Variants in EPHA6 observed in about 807,000 individuals in gnomAD.
EPHA6 encodes ephrin type-A receptor 6.
EPHA6 carries 50 observed loss-of-function variants against 112.0 expected under a neutral mutation model. The ratio of observed to expected loss-of-function variants is 0.45; its 90% CI spans 0.36 to 0.56. EPHA6 has a LOEUF of 0.56. EPHA6 is among the 20% of genes least tolerant of loss of function. EPHA6 has a pLI of 0.00. For missense variants in EPHA6, 1,280 were observed against 1,417.4 expected (o/e 0.90, Z 1.56); for synonymous variants, 529 against 490.7 (o/e 1.08, Z -1.03).
chr3:97,040,675 C>T (rs967253792), intron 3 of EPHA6, among the ~76,000 whole-genome samples: 2 of 152,010 alleles, frequency 1.3e-5, no homozygotes, highest in African/African-American at 4.8e-5. Context: ...AGAGATGATT[C>T]CTGAAATAAA....
intron 2 of EPHA6, among the ~76,000 whole-genome samples, chr3:96,978,757 A>T (rs2042631447): frequency 6.6e-6 from 1 of 152,108 alleles, no homozygotes; most frequent in Non-Finnish European, 1.5e-5. Flanking sequence ...GAAGAATAAC[A>T]TTTCCGATTA....
intron 7 of EPHA6, among the ~76,000 whole-genome samples, chr3:97,460,228 G>T (rs556181363): frequency 6.6e-6 from 1 of 152,294 alleles, no homozygotes; most frequent in East Asian, 1.9e-4. Flanking sequence ...CTCCTCTTTA[G>T]AACCATAAAT....
Position 97,625,460 on chromosome 3 carries a change from A to G in EPHA6, c.2575-12413A>G, listed in dbSNP as rs893555640. ...TTGATACTTAAATTTATTGTCTAAC[A>G]TATGGCTTATCAAAGAAAATATTCC... On this transcript the variant is annotated intron_variant, in intron 13 of 17. Coordinates refer to ENST00000389672, the MANE Select transcript of EPHA6 (RefSeq NM_001080448.3). Among the ~76,000 whole-genome samples, 4 of 151,750 alleles carry G rather than the reference A, an allele frequency of 2.6e-5. No individual in the cohort carries two copies. In the Admixed American group the frequency reaches 2.6e-4, roughly 10 times the overall value.
chr3:96,925,685 A>G (rs891795405), intron 2 of EPHA6, among the ~76,000 whole-genome samples: 2 of 149,768 alleles, frequency 1.3e-5, no homozygotes, highest in African/African-American at 5.0e-5. Flanking sequence ...GGCTCACTGC[A>G]ACTTCTGCCT....
chr3:97,333,803 T>A (rs2082923548), intron 5 of EPHA6, among the ~76,000 whole-genome samples: 1 of 151,984 alleles, frequency 6.6e-6, no homozygotes, highest in South Asian at 2.1e-4. Flanking sequence ...TTACCTCTTT[T>A]TTTGCTCATT....
At chr3:97,416,248 G>A (rs1268820718) in intron 6 of EPHA6, among the ~76,000 whole-genome samples, 1 of 152,006 alleles carries the variant, frequency 6.6e-6, no homozygotes, top group Non-Finnish European at 1.5e-5. Flanking sequence ...CCTGACAGCA[G>A]ATCCAGAATT....
At chr3:97,215,796 A>G (rs189628871) in intron 3 of EPHA6, among the ~76,000 whole-genome samples, 20 of 152,342 alleles carry the variant, frequency 1.3e-4, no homozygotes, top group East Asian at 1.9e-4. Flanking sequence ...ATTTCAAAAC[A>G]TATTTCAGAA....
chr3:97,448,807 G>T, intron 7 of EPHA6, 77 bp downstream of exon 7: 1 of 1,436,676 alleles, frequency 7.0e-7, no homozygotes, highest in Non-Finnish European at 9.7e-7. Flanking sequence ...TTAAAACCAG[G>T]TGTCCCAAGT....
At chr3:97,596,783 T>C (rs79424366) in intron 12 of EPHA6, among the ~76,000 whole-genome samples, 60 of 81,206 alleles carry the variant, frequency 7.4e-4, no homozygotes, top group African/African-American at 1.3e-3. Flanking sequence ...TATACATATA[T>C]ATATATATAT....
At position 97,637,881 on chromosome 3, in the gene EPHA6, T is replaced by C; in HGVS notation, c.2583T>C (p.Asp861=). The change falls in exon 14 of 18, where the codon GAT becomes GAC. Residue 861 remains aspartate (D), a synonymous_variant. Transcript: ENST00000389672. The stretch of plus-strand genomic sequence containing the variant: ...TTGTGATTCTCTTGCAGAAGCATGA[T>C]GGCCACTTCACAGTCATCCAGTTGG... ...GSLDSFLRKH[D]GHFTVIQLVG... 6.2e-7 allele frequency: 1 copy of C among 1,613,736 alleles called. No homozygotes were observed. Among genetic ancestry groups the C allele is most frequent in the Non-Finnish European group, 8.5e-7 (1 of 1,179,626 alleles).
intron 3 of EPHA6, among the ~76,000 whole-genome samples, chr3:97,048,854 C>T (rs1001563164): frequency 6.6e-6 from 1 of 151,934 alleles, no homozygotes; most frequent in Non-Finnish European, 1.5e-5. Context: ...TGCAGAAAAA[C>T]GTGAAGCAAT....
chr3:97,659,502 A>G (rs1331155308), intron 14 of EPHA6, among the ~76,000 whole-genome samples: 1 of 152,000 alleles, frequency 6.6e-6, no homozygotes, highest in Non-Finnish European at 1.5e-5. Context: ...GAGAGTTTCT[A>G]CATATTGGTT....
rs577349692 is a variant in EPHA6, at chr3:97,345,201, C to T, written c.1607-59949C>T. 2.6e-5 allele frequency among the ~76,000 whole-genome samples: 4 copies of T among 152,136 alleles called. No homozygotes were observed. In the South Asian group the frequency reaches 8.3e-4, roughly 32 times the overall value. On this transcript the variant is annotated intron_variant, in intron 5 of 17. Transcript: ENST00000389672. ...AAAGGTATCTAGTGAATGTAATTTG[C>T]ATAAATTCTGACAGTGTGTCACTTA...
intron 7 of EPHA6, among the ~76,000 whole-genome samples, chr3:97,452,961 G>A (rs190824620): frequency 6.6e-6 from 1 of 151,508 alleles, no homozygotes; most frequent in Non-Finnish European, 1.5e-5. Flanking sequence ...AAATTGCTTG[G>A]AAAAAACATA....
chr3:97,375,228 G>C, intron 5 of EPHA6, among the ~76,000 whole-genome samples: 1 of 152,086 alleles, frequency 6.6e-6, no homozygotes, highest in East Asian at 1.9e-4. Context: ...CAAAATAAAA[G>C]GGAAGGGTGT....
chr3:97,075,216 T>C (rs1400458810), intron 3 of EPHA6, among the ~76,000 whole-genome samples: 1 of 152,062 alleles, frequency 6.6e-6, no homozygotes, highest in Non-Finnish European at 1.5e-5. Flanking sequence ...TAGAATGACA[T>C]ATAGAATATT....
chr3:97,273,927 A>G (rs1461812702), intron 5 of EPHA6, among the ~76,000 whole-genome samples: 2 of 152,184 alleles, frequency 1.3e-5, no homozygotes, highest in African/African-American at 4.8e-5. Flanking sequence ...ATGTGAGTAA[A>G]GTCAATTTGC....
At position 97,138,888 on chromosome 3, in the gene EPHA6, T is replaced by C. The variant is rs1269199847; in HGVS notation, c.1115-87376T>C. Among the ~76,000 whole-genome samples the C allele has an allele frequency of 3.9e-5, 6 of 152,190 alleles. No homozygotes were observed. The South Asian group carries it at 1.0e-3, about 26-fold the overall frequency. On this transcript the variant is annotated intron_variant, in intron 3 of 17. Coordinates refer to ENST00000389672, the MANE Select transcript of EPHA6 (RefSeq NM_001080448.3). The stretch of plus-strand genomic sequence containing the variant: ...TGCTTGGGAACTAGCCTAATTATTC[T>C]GGCTACTGCCAGTGGAGACCCTCTG...
At chr3:97,124,424 A>T (rs1289410252) in intron 3 of EPHA6, among the ~76,000 whole-genome samples, 1 of 151,244 alleles carries the variant, frequency 6.6e-6, no homozygotes, top group Non-Finnish European at 1.5e-5. Context: ...TCACAGGCAT[A>T]CAGAAAAGTT....
Sources: gnomAD v4.1 joint callset for allele counts (sites outside exome capture counted in the v4.1 genomes callset) on GRCh38, gnomAD v4.1.1 for gene constraint, MANE v1.5 for transcripts, NCBI Gene and HGNC (gene_info 2026-07-23, HGNC 2026-07-21) for gene names.